FAF1: variants seen among roughly 807,000 people sequenced by gnomAD.
The protein encoded by FAF1 is FAS-associated factor 1.
FAF1 carries 25 observed loss-of-function variants against 92.5 expected under a neutral mutation model. That is an observed-to-expected ratio of 0.27 (90% CI 0.20 to 0.38). The LOEUF (loss-of-function observed/expected upper bound fraction) is 0.38. FAF1 is among the 10% of genes least tolerant of loss of function. The pLI, the probability that FAF1 is intolerant of heterozygous loss-of-function variation, is 1.00. For missense variants in FAF1, 636 were observed against 793.3 expected (o/e 0.80, Z 2.38); for synonymous variants, 234 against 273.2 (o/e 0.86, Z 1.42).
intron 8 of FAF1, among the ~76,000 whole-genome samples, chr1:50,598,593 GAGTGAATACTCAA>G (rs1272867096): frequency 6.6e-6 from 1 of 151,926 alleles, no homozygotes; most frequent in African/African-American, 2.4e-5. Flanking sequence ...TTCTATCAGT[GAGTGAATACTCAA>G]AGTCCATTTG....
At chr1:50,806,893 A>G (rs557670695) in intron 2 of FAF1, among the ~76,000 whole-genome samples, 1 of 152,366 alleles carries the variant, frequency 6.6e-6, no homozygotes, top group East Asian at 1.9e-4. Flanking sequence ...ACACATTCAA[A>G]GGATTAGCAT....
chr1:50,833,886 T>G lies in FAF1; in HGVS notation c.114+24043A>C, dbSNP rs370024274. On this transcript the variant is annotated intron_variant, in intron 2 of 18. Transcript: ENST00000396153. ...ACAATTATTTCTCCTTTTCCAAATA[T>G]TGATCACATTCCAGGCGCTCATGAA... Among the ~76,000 whole-genome samples, 3 of 152,250 alleles carry G rather than the reference T, an allele frequency of 2.0e-5. No homozygotes were observed. The South Asian group carries it at 6.2e-4, about 31-fold the overall frequency.
At chr1:50,791,608 T>C (rs1001073861) in intron 3 of FAF1, among the ~76,000 whole-genome samples, 1 of 152,196 alleles carries the variant, frequency 6.6e-6, no homozygotes, top group African/African-American at 2.4e-5. Flanking sequence ...AGCTTCTTGA[T>C]ATTCCCTTAG....
chr1:50,899,702 C>T (rs1421929855), intron 1 of FAF1, among the ~76,000 whole-genome samples: 2 of 152,126 alleles, frequency 1.3e-5, no homozygotes, highest in Non-Finnish European at 2.9e-5. Flanking sequence ...CCACCCACCT[C>T]GCCTCCCAAA....
intron 7 of FAF1, among the ~76,000 whole-genome samples, chr1:50,702,456 A>C (rs1423131075): frequency 6.6e-6 from 1 of 152,146 alleles, no homozygotes; most frequent in African/African-American, 2.4e-5. Context: ...AGACTATCAC[A>C]GAGTTACTGT....
At chr1:50,520,055 G>A (rs1219470591) in intron 15 of FAF1, among the ~76,000 whole-genome samples, 1 of 151,754 alleles carries the variant, frequency 6.6e-6, no homozygotes, top group Non-Finnish European at 1.5e-5. Context: ...TAGATTTAAT[G>A]GTCAAAACAA....
At chr1:50,692,770 ACT>A (rs1304780422) in intron 7 of FAF1, among the ~76,000 whole-genome samples, 2 of 152,148 alleles carry the variant, frequency 1.3e-5, no homozygotes, top group Non-Finnish European at 2.9e-5. Context: ...TCTTTAACAC[ACT>A]GATTTCAATT....
At position 50,523,110 on chromosome 1, in the gene FAF1, A is replaced by G. The variant is rs72898982; in HGVS notation, c.1494+12259T>C. 6.5e-3 allele frequency among the ~76,000 whole-genome samples: 991 copies of G among 152,316 alleles called. 19 individuals are homozygous for G. Among genetic ancestry groups the G allele is most frequent in the African/African-American group, 0.023 (946 of 41,566 alleles). On this transcript the variant is annotated intron_variant, in intron 15 of 18. Transcript: ENST00000396153. ...TTTATCAGTACTTCAATCCTTTATT[A>G]AGGCTAAATAATATTCCATTGTATG...
In FAF1 at chr1:50,584,803, G is replaced by A. The variant is rs756360430; in HGVS notation, c.849C>T (p.Thr283=). The change falls in exon 10 of 19, where the codon ACC becomes ACT. Residue 283 remains threonine, a synonymous_variant. Coordinates refer to ENST00000396153, the MANE Select transcript of FAF1 (RefSeq NM_007051.3). ...CGCTATCACTAACCATATGAACATC[G>A]GTGATTTGCTATTTAAGGAAAGTCC... is the stretch of plus-strand genomic sequence containing the variant. The part of the protein sequence containing the change: ...QTREQSEEQI[T]DVHMVSDSDG... 12 of 1,612,412 alleles carry A rather than the reference G, an allele frequency of 7.4e-6. No individual in the cohort carries two copies. The Admixed American group carries it at 8.4e-5, about 11-fold the overall frequency.
chr1:50,702,062 T>C (rs1370080556), intron 7 of FAF1, among the ~76,000 whole-genome samples: 1 of 152,110 alleles, frequency 6.6e-6, no homozygotes, highest in East Asian at 1.9e-4. Context: ...CTTAAATTTA[T>C]ATGACATCTA....
At chr1:50,928,740 G>A (rs1016809024) in intron 1 of FAF1, among the ~76,000 whole-genome samples, 19 of 138,116 alleles carry the variant, frequency 1.4e-4, no homozygotes, top group South Asian at 2.3e-4. Context: ...CCGAAATCAC[G>A]CCATTGGACT....
intron 18 of FAF1, among the ~76,000 whole-genome samples, chr1:50,465,722 C>T (rs1044355994): frequency 2.0e-5 from 3 of 151,974 alleles, no homozygotes; most frequent in African/African-American, 7.2e-5. Flanking sequence ...GGAAGGAAGA[C>T]TATTATTTTA....
At chr1:50,817,721 G>A (rs1252054788) in intron 2 of FAF1, among the ~76,000 whole-genome samples, 1 of 151,994 alleles carries the variant, frequency 6.6e-6, no homozygotes, top group African/African-American at 2.4e-5. Context: ...ACAGGCACAG[G>A]GTTTCTTTTG....
chr1:50,755,744 T>C (rs1268757015), intron 4 of FAF1, among the ~76,000 whole-genome samples: 1 of 151,984 alleles, frequency 6.6e-6, no homozygotes, highest in African/African-American at 2.4e-5. Context: ...TAGGCAGAGG[T>C]TCCCAAACCT....
intron 17 of FAF1, among the ~76,000 whole-genome samples, chr1:50,481,483 G>C (rs1369163759): frequency 1.3e-5 from 2 of 152,242 alleles, no homozygotes; most frequent in South Asian, 2.1e-4. Context: ...ACAGTAACAT[G>C]CTGTACAGAT....
chr1:50,660,777 A>T (rs965827088), intron 7 of FAF1, among the ~76,000 whole-genome samples: 4 of 152,010 alleles, frequency 2.6e-5, no homozygotes, highest in Admixed American at 2.0e-4. Flanking sequence ...CAGGCGAGCT[A>T]CCTTACCCAG....
Position 50,535,425 on chromosome 1 carries a change from G to T in FAF1, c.1438C>A (p.Leu480Ile). 6.2e-7 allele frequency: 1 copy of T among 1,611,508 alleles called. No homozygotes were observed. Among genetic ancestry groups the T allele is most frequent in the Middle Eastern group, 1.7e-4 (1 of 6,046 alleles). ...NTTVDELMMR[L>I]MAAMEIFTAQ... ...GTGAAGATCTCCATTGCAGCCATGAGTCTCATCATTAACTCATCTACTGTT... is the reference window on the plus strand; with the variant it reads ...GTGAAGATCTCCATTGCAGCCATGATTCTCATCATTAACTCATCTACTGTT... Residue 480 changes from leucine (L) to isoleucine (I), a missense_variant, in exon 15 of 19, where the codon CTC (leucine) becomes ATC (isoleucine). Leu to Ile is a conservative substitution (Grantham distance 5, BLOSUM62 2). Around this residue, in one of 2 missense-constraint regions of FAF1, gnomAD observed 319 missense variants for 451.0 expected, o/e 0.71. Transcript: ENST00000396153.
chr1:50,921,527 C>A (rs1217983805), intron 1 of FAF1, among the ~76,000 whole-genome samples: 1 of 152,058 alleles, frequency 6.6e-6, no homozygotes, highest in Non-Finnish European at 1.5e-5. Context: ...TTTGTGAAGT[C>A]AACAAGCGCA....
chr1:50,777,562 G>GA (rs1196610804), intron 4 of FAF1, among the ~76,000 whole-genome samples: 1 of 151,920 alleles, frequency 6.6e-6, no homozygotes, highest in East Asian at 1.9e-4. Flanking sequence ...GGAAAAAAAT[G>GA]AAAAAACACA....
Sources: gnomAD v4.1 joint callset for allele counts (sites outside exome capture counted in the v4.1 genomes callset) on GRCh38, gnomAD v4.1.1 for gene constraint, gnomAD v4.1.1 regional missense constraint, MANE v1.5 for transcripts, NCBI Gene and HGNC (gene_info 2026-07-23, HGNC 2026-07-21) for gene names.